LAMA2: variants seen among roughly 807,000 people sequenced by gnomAD.
LAMA2 encodes laminin subunit alpha-2.
A neutral mutation model predicts 364.8 loss-of-function variants in LAMA2; 269 were observed. The ratio of observed to expected loss-of-function variants is 0.74; its 90% CI spans 0.67 to 0.82. LAMA2 has a LOEUF of 0.82. Ranked by LOEUF, LAMA2 falls within the 40% of genes least tolerant of loss-of-function variation. LAMA2 has a pLI of 0.00. For synonymous variants in LAMA2, 1,379 were observed against 1,370.6 expected (o/e 1.01, Z -0.14); for missense variants, 3,807 against 3,873.2 (o/e 0.98, Z 0.45).
chr6:129,413,356 A>G (rs766675544), intron 40 of LAMA2, among the ~76,000 whole-genome samples: 3 of 152,164 alleles, frequency 2.0e-5, no homozygotes, highest in Non-Finnish European at 2.9e-5. Flanking sequence ...GAATGATTTT[A>G]CCATATCTCT....
intron 12 of LAMA2, among the ~76,000 whole-genome samples, chr6:129,196,898 A>G (rs917082285): frequency 6.6e-5 from 10 of 152,280 alleles, no homozygotes; most frequent in Admixed American, 6.5e-4. Flanking sequence ...CCCTGACTGA[A>G]CGGACCCCCT....
At chr6:129,217,933 T>C (rs900434572) in intron 12 of LAMA2, among the ~76,000 whole-genome samples, 2 of 152,116 alleles carry the variant, frequency 1.3e-5, no homozygotes, top group Non-Finnish European at 2.9e-5. Context: ...TTGAGAAAAA[T>C]AAACTTGGGC....
intron 4 of LAMA2, among the ~76,000 whole-genome samples, chr6:129,101,915 G>A (rs971390136): frequency 2.0e-5 from 3 of 152,028 alleles, no homozygotes; most frequent in East Asian, 1.9e-4. Flanking sequence ...ACTTTTTACT[G>A]TATACACTAT....
At chr6:129,242,433 A>G (rs960844809) in intron 12 of LAMA2, among the ~76,000 whole-genome samples, 2 of 151,986 alleles carry the variant, frequency 1.3e-5, no homozygotes, top group Admixed American at 6.6e-5. Flanking sequence ...TTGGATTAAA[A>G]TTTTTTCTGT....
rs1788138138 is a variant in LAMA2 at position 129,052,433 on chromosome 6, C to A, written c.283+2345C>A. 3.3e-5 allele frequency among the ~76,000 whole-genome samples: 5 copies of A among 151,984 alleles called. 1 individual carries two copies. In the South Asian group the frequency reaches 1.0e-3, roughly 32 times the overall value. On this transcript the variant is annotated intron_variant, in intron 2 of 64. Transcript: ENST00000421865. ...AAAGTGCTGGGATTACAGGCGTGAG[C>A]CACCGCGCCCGGCCTTTTCTCTGTC...
At chr6:128,973,685 G>A (rs1398131597) in intron 1 of LAMA2, among the ~76,000 whole-genome samples, 4 of 152,092 alleles carry the variant, frequency 2.6e-5, no homozygotes, top group Non-Finnish European at 5.9e-5. Context: ...TAAAGGATGC[G>A]GGAAAGAGGA....
chr6:129,052,271 G>T (rs1393738296), intron 2 of LAMA2, among the ~76,000 whole-genome samples: 2 of 150,946 alleles, frequency 1.3e-5, no homozygotes, highest in African/African-American at 4.9e-5. Context: ...CAGCAGCTGG[G>T]ACTGCAGGCG....
chr6:128,899,368 A>G lies in LAMA2; in HGVS notation c.112+16011A>G, dbSNP rs749340587. 7.1e-4 allele frequency among the ~76,000 whole-genome samples: 108 copies of G among 152,360 alleles called. 1 individual carries two copies. The highest frequency in any genetic ancestry group is 3.4e-4 in the Non-Finnish European group (23 of 68,032). On this transcript the variant is annotated intron_variant, in intron 1 of 64. Transcript: ENST00000421865. ...AAACCTCAAGAGCAATTGCTATGGC[A>G]GAGAACTAGAAGGGTATTTAATCAA...
intron 8 of LAMA2, chr6:129,158,622 A>G: frequency 1.2e-6 from 2 of 1,614,198 alleles, no homozygotes; most frequent in Non-Finnish European, 1.7e-6. Flanking sequence ...GAAGATGATC[A>G]TAGCAATTAT....
At chr6:129,011,674 AT>A (rs1784776397) in intron 1 of LAMA2, among the ~76,000 whole-genome samples, 1 of 152,216 alleles carries the variant, frequency 6.6e-6, no homozygotes, top group Admixed American at 6.5e-5. Flanking sequence ...CTCTTAAAAT[AT>A]CCCATTCTGA....
chr6:129,241,530 G>A (rs1367697940), intron 12 of LAMA2, among the ~76,000 whole-genome samples: 2 of 152,130 alleles, frequency 1.3e-5, no homozygotes, highest in Non-Finnish European at 2.9e-5. Flanking sequence ...AACTTCGGAG[G>A]TAGGTGTGAT....
chr6:129,511,426 G>A (rs1025902765), intron 62 of LAMA2, among the ~76,000 whole-genome samples: 2 of 151,632 alleles, frequency 1.3e-5, no homozygotes, highest in African/African-American at 2.4e-5. Flanking sequence ...TCACTATGTT[G>A]CCCAGGCGCA....
rs547693315 is a variant in LAMA2 at position 129,171,539 on chromosome 6, G to A, written c.1306+5864G>A. Among the ~76,000 whole-genome samples the A allele has an allele frequency of 4.7e-4, 71 of 152,296 alleles. No individual in the cohort carries two copies. In the East Asian group the frequency reaches 8.5e-3, roughly 18 times the overall value. ...CCGGCTTGTAGAGTTTCTGCCGAGC[G>A]ATCTGCTGTTAGTCTGATGGGCTTC... On this transcript the variant is annotated intron_variant, in intron 9 of 64. Transcript: ENST00000421865.
chr6:128,952,157 A>G (rs1780862170), intron 1 of LAMA2, among the ~76,000 whole-genome samples: 1 of 152,168 alleles, frequency 6.6e-6, no homozygotes, highest in African/African-American at 2.4e-5. Flanking sequence ...ATGGAGCAAG[A>G]CCCTGTCTTG....
rs1445610843 is a variant in LAMA2 at position 128,889,938 on chromosome 6, T to A, written c.112+6581T>A. On this transcript the variant is annotated intron_variant, in intron 1 of 64. Coordinates refer to ENST00000421865, the MANE Select transcript of LAMA2 (RefSeq NM_000426.4). ...TTGAGGATTGCCTATTAATGGGTTA[T>A]TATTCATAATATCGGCCTCTGTGAC... Among the ~76,000 whole-genome samples the A allele has an allele frequency of 5.3e-5, 8 of 152,232 alleles. No individual in the cohort carries two copies. In the East Asian group the frequency reaches 1.2e-3, roughly 22 times the overall value.
intron 46 of LAMA2, among the ~76,000 whole-genome samples, chr6:129,453,493 C>T (rs1782793454): frequency 1.3e-5 from 2 of 152,110 alleles, no homozygotes; most frequent in Admixed American, 6.6e-5. Context: ...TTACAATAAA[C>T]TCTTCCGTTA....
chr6:129,118,354 G>C (rs2114913887), intron 4 of LAMA2, among the ~76,000 whole-genome samples: 1 of 152,240 alleles, frequency 6.6e-6, no homozygotes, highest in Admixed American at 6.5e-5. Flanking sequence ...CTTTCACTGG[G>C]ATCTTAGATG....
intron 4 of LAMA2, among the ~76,000 whole-genome samples, chr6:129,105,991 C>G (rs1444517164): frequency 6.6e-6 from 1 of 152,226 alleles, no homozygotes; most frequent in East Asian, 1.9e-4. Context: ...CATACAGAGG[C>G]CTTTAAGTTA....
intron 12 of LAMA2, among the ~76,000 whole-genome samples, chr6:129,244,442 C>T (rs1209674790): frequency 6.6e-6 from 1 of 152,076 alleles, no homozygotes; most frequent in African/African-American, 2.4e-5. Flanking sequence ...GTTTGTGATC[C>T]TAAATGGAAA....
Sources: allele counts gnomAD v4.1 joint callset (sites outside exome capture counted in the v4.1 genomes callset), GRCh38; gene constraint gnomAD v4.1.1; transcripts MANE v1.5; gene names NCBI Gene and HGNC (gene_info 2026-07-23, HGNC 2026-07-21).